The following USP10 variants were observed in gnomAD, a reference collection of about 807,000 sequenced individuals.
USP10 encodes ubiquitin carboxyl-terminal hydrolase 10.
Under a neutral mutation model 84.5 loss-of-function variants are expected in USP10, and 22 were observed. The ratio of observed to expected loss-of-function variants is 0.26; its 90% CI spans 0.19 to 0.37. USP10 has a LOEUF of 0.37. Ranked by LOEUF, USP10 falls within the 10% of genes least tolerant of loss-of-function variation. USP10 has a pLI of 1.00. For missense variants in USP10, 1,019 were observed against 998.9 expected (o/e 1.02, Z -0.27); for synonymous variants, 454 against 387.6 (o/e 1.17, Z -2.01).
At chr16:84,722,363 C>G (rs1404607428) in intron 1 of USP10, among the ~76,000 whole-genome samples, 1 of 152,212 alleles carries the variant, frequency 6.6e-6, no homozygotes, top group Admixed American at 6.5e-5. Flanking sequence ...GTTGTTCCCA[C>G]TGTTTGAATC....
intron 8 of USP10, among the ~76,000 whole-genome samples, chr16:84,762,074 C>T (rs1482466576): frequency 6.6e-6 from 1 of 152,258 alleles, no homozygotes; most frequent in Non-Finnish European, 1.5e-5. Context: ...GAAATATGAA[C>T]TGATGATAAG....
In USP10 at chr16:84,720,371, A is replaced by G. The variant is rs557126234; in HGVS notation, c.22-13064A>G. ...TTTCTGCCCATGTAGCACTCTGTTT[A>G]ATGAAATACTATAGTTTTGCTTCAT... On this transcript the variant is annotated intron_variant, in intron 1 of 13. Coordinates refer to ENST00000219473, the MANE Select transcript of USP10 (RefSeq NM_005153.3). Among the ~76,000 whole-genome samples, 46 of 152,240 alleles carry G rather than the reference A, an allele frequency of 3.0e-4. 1 individual carries two copies. The highest frequency in any genetic ancestry group is 1.1e-3 in the African/African-American group (46 of 41,548).
At chr16:84,754,079 A>T (rs1164186047) in intron 4 of USP10, among the ~76,000 whole-genome samples, 2 of 152,094 alleles carry the variant, frequency 1.3e-5, no homozygotes, top group Non-Finnish European at 2.9e-5. Flanking sequence ...TTGAAGTGTG[A>T]GAGTCTTGTC....
At chr16:84,722,371 A>G (rs1481313510) in intron 1 of USP10, among the ~76,000 whole-genome samples, 4 of 152,150 alleles carry the variant, frequency 2.6e-5, no homozygotes, top group African/African-American at 9.7e-5. Context: ...CACTGTTTGA[A>G]TCTGCTGTTC....
At chr16:84,761,751 A>G (rs144988150) in intron 8 of USP10, among the ~76,000 whole-genome samples, 5 of 152,412 alleles carry the variant, frequency 3.3e-5, no homozygotes, top group African/African-American at 1.2e-4. Flanking sequence ...CGGTTTAGGC[A>G]GAATCCCGTA....
intron 8 of USP10, among the ~76,000 whole-genome samples, chr16:84,762,218 C>A (rs1183920951): frequency 6.6e-6 from 1 of 152,214 alleles, no homozygotes; most frequent in Non-Finnish European, 1.5e-5. Context: ...AGTTTGAGTT[C>A]TTTCCCATGT....
At chr16:84,722,905 C>G (rs1401404567) in intron 1 of USP10, among the ~76,000 whole-genome samples, 2 of 152,096 alleles carry the variant, frequency 1.3e-5, no homozygotes, top group African/African-American at 2.4e-5. Context: ...ATTTTTTGTC[C>G]CTAGGAACAT....
In USP10 at chr16:84,706,397, A is replaced by G. The variant is rs184435207; in HGVS notation, c.21+6286A>G. On this transcript the variant is annotated intron_variant, in intron 1 of 13. Transcript: ENST00000219473. The stretch of plus-strand genomic sequence containing the variant: ...TTCACAGCAAAATTGAGAGAAAAGT[A>G]CAAAGAGTTCCTATATACCCCTTCT... Among the ~76,000 whole-genome samples, 223 of 151,974 alleles carry G rather than the reference A, an allele frequency of 1.5e-3. 1 individual carries two copies. The highest frequency in any genetic ancestry group is 4.5e-3 in the African/African-American group (187 of 41,524).
chr16:84,733,059 T>A (rs1274151517), intron 1 of USP10: 1 of 458,798 alleles, frequency 2.2e-6, no homozygotes, highest in Non-Finnish European at 4.4e-6. Context: ...TTAGTATGTT[T>A]GGCAGAGAAA....
rs1237181797 is a variant in USP10 at position 84,710,430 on chromosome 16, G to T, written c.21+10319G>T. On this transcript the variant is annotated intron_variant, in intron 1 of 13. Coordinates refer to ENST00000219473, the MANE Select transcript of USP10 (RefSeq NM_005153.3). ...CATCTTAAGCCTCATAACTTTGAGG[G>T]GAAAGAAGTAGGGCATTTCTTTTGG... Among the ~76,000 whole-genome samples, 3 of 152,220 alleles carry T rather than the reference G, an allele frequency of 2.0e-5. No homozygotes were observed. The East Asian group carries it at 5.8e-4, about 29-fold the overall frequency.
chr16:84,760,328 G>A (rs1182993087), intron 8 of USP10, 53 bp downstream of exon 8: 5 of 1,476,506 alleles, frequency 3.4e-6, no homozygotes, highest in Non-Finnish European at 3.7e-6. Context: ...TTGTTCCAGT[G>A]TTTGTGTGGT....
chr16:84,744,672 T>C lies in USP10; in HGVS notation c.191T>C (p.Val64Ala). The change falls in exon 4 of 14, where the codon GTC (valine) becomes GCC (alanine). Residue 64 changes from valine (V) to alanine (A), a missense_variant. By Grantham distance (64) the Val-to-Ala change is moderately conservative (BLOSUM62 0). Around this residue, in one of 2 missense-constraint regions of USP10, gnomAD observed 787 missense variants for 708.8 expected, o/e 1.11. Transcript: ENST00000219473. ...YQRIEFGVDE[V>A]IEPSDTLPRT... ...AGAATTGAGTTTGGTGTCGATGAAG[T>C]CATTGAACCCAGTGACACTTTGCCG... 1 of 1,613,102 alleles carries C rather than the reference T, an allele frequency of 6.2e-7. No individual in the cohort carries two copies. Among genetic ancestry groups the C allele is most frequent in the South Asian group, 1.1e-5 (1 of 91,042 alleles).
chr16:84,725,259 C>A (rs1267602290), intron 1 of USP10, among the ~76,000 whole-genome samples: 2 of 152,196 alleles, frequency 1.3e-5, no homozygotes, highest in Non-Finnish European at 2.9e-5. Context: ...GGTAATTTGC[C>A]TATTCTTGGC....
chr16:84,720,382 A>G (rs1029871078), intron 1 of USP10, among the ~76,000 whole-genome samples: 8 of 152,086 alleles, frequency 5.3e-5, no homozygotes, highest in African/African-American at 1.9e-4. Context: ...ATGAAATACT[A>G]TAGTTTTGCT....
chr16:84,774,451 C>G (rs977079226), intron 12 of USP10, among the ~76,000 whole-genome samples: 12 of 151,712 alleles, frequency 7.9e-5, no homozygotes, highest in African/African-American at 2.9e-4. Flanking sequence ...TGTTACTGTT[C>G]TGTAACTGAA....
chr16:84,700,946 A>G (rs1274158756), intron 1 of USP10, among the ~76,000 whole-genome samples: 1 of 151,932 alleles, frequency 6.6e-6, no homozygotes, highest in Non-Finnish European at 1.5e-5. Flanking sequence ...TATTCTGGAC[A>G]AAAATCGGCA....
At chr16:84,708,928 G>C (rs543982497) in intron 1 of USP10, 2 of 152,414 alleles carry the variant, frequency 1.3e-5, no homozygotes, top group South Asian at 4.1e-4. Flanking sequence ...CTGTGCTTTA[G>C]AGGTTCGCTG....
chr16:84,736,315 G>A (rs560124272), intron 2 of USP10, among the ~76,000 whole-genome samples: 407 of 152,330 alleles, frequency 2.7e-3, no homozygotes, highest in African/African-American at 9.3e-3. Flanking sequence ...ATTAAGAAAT[G>A]TGGGATGTTA....
chr16:84,769,174 G>A (rs1438737946), intron 11 of USP10, among the ~76,000 whole-genome samples: 1 of 152,198 alleles, frequency 6.6e-6, no homozygotes, highest in African/African-American at 2.4e-5. Context: ...AATGGGCAGT[G>A]GATGGCAGCT....
Sources: allele counts gnomAD v4.1 joint callset (sites outside exome capture counted in the v4.1 genomes callset), GRCh38; gene constraint gnomAD v4.1.1; regional missense constraint gnomAD v4.1.1; transcripts MANE v1.5; gene names NCBI Gene and HGNC (gene_info 2026-07-23, HGNC 2026-07-21).